The following ATAD2B variants were observed in gnomAD, a reference collection of about 807,000 sequenced individuals.
ATAD2B encodes ATPase family AAA domain-containing protein 2B.
Under a neutral mutation model 167.6 loss-of-function variants are expected in ATAD2B, and 40 were observed. The ratio of observed to expected loss-of-function variants is 0.24; its 90% confidence interval spans 0.19 to 0.31. ATAD2B has a LOEUF of 0.31. Among genes scored for constraint, ATAD2B ranks in the 10% least tolerant of loss-of-function variants. The probability of loss-of-function intolerance (pLI) is 1.00; values close to 1 mark genes in which losing one functional copy is unlikely to be tolerated. For missense variants in ATAD2B, 1,242 were observed against 1,757.2 expected, an observed-to-expected ratio of 0.71 and a Z score of 5.24; for synonymous variants, 579 against 596.5, an observed-to-expected ratio of 0.97 and a Z score of 0.43.
At chr2:23,892,263 A>T (rs1016271824) in intron 2 of ATAD2B, among the ~76,000 whole-genome samples, 1 of 152,086 alleles carries the variant, frequency 6.6e-6, no homozygotes, top group African/African-American at 2.4e-5. Context: ...TCCCTGGTTC[A>T]CGCCATTCTC....
At chr2:23,781,209 T>G (rs968523597) in intron 22 of ATAD2B, among the ~76,000 whole-genome samples, 1 of 151,928 alleles carries the variant, frequency 6.6e-6, no homozygotes, top group Non-Finnish European at 1.5e-5. Context: ...CATAAACAAT[T>G]TCACAGAACA....
intron 20 of ATAD2B, among the ~76,000 whole-genome samples, chr2:23,787,007 C>A (rs1005170699): frequency 2.8e-5 from 4 of 144,722 alleles, no homozygotes; most frequent in African/African-American, 1.0e-4. Flanking sequence ...CTGAGTACAA[C>A]AGAGTACGGA....
downstream of ATAD2B, among the ~76,000 whole-genome samples, chr2:23,745,524 G>C (rs1304675419): frequency 6.6e-6 from 1 of 152,084 alleles, no homozygotes; most frequent in African/African-American, 2.4e-5. Context: ...CTTAATGATT[G>C]ATGGGTTAAA....
chr2:23,810,660 G>T (rs1327288868), intron 17 of ATAD2B, among the ~76,000 whole-genome samples, 158 bp from the exon 18 acceptor site: 1 of 151,914 alleles, frequency 6.6e-6, no homozygotes, highest in Non-Finnish European at 1.5e-5. Context: ...TATTAATTAT[G>T]GTTTTAAAAT....
chr2:23,901,716 A>G (rs1700863772), intron 1 of ATAD2B, among the ~76,000 whole-genome samples: 1 of 152,124 alleles, frequency 6.6e-6, no homozygotes, highest in Non-Finnish European at 1.5e-5. Context: ...TTTTGCTGCA[A>G]AACTTCTAAG....
chr2:23,869,067 A>G (rs899443736), intron 9 of ATAD2B, among the ~76,000 whole-genome samples: 1 of 152,178 alleles, frequency 6.6e-6, no homozygotes, highest in African/African-American at 2.4e-5. Flanking sequence ...TGTTTCCAAG[A>G]CCTGCTAACT....
chr2:23,840,262 G>C (rs548210046), intron 13 of ATAD2B, among the ~76,000 whole-genome samples: 3 of 152,082 alleles, frequency 2.0e-5, no homozygotes, highest in Admixed American at 1.3e-4. Context: ...CTTAAGCTTA[G>C]GCCTTTATGC....
chr2:23,913,640 G>GAAA (rs1425105055), intron 1 of ATAD2B, among the ~76,000 whole-genome samples: 2 of 94,804 alleles, frequency 2.1e-5, no homozygotes, highest in African/African-American at 8.5e-5. Flanking sequence ...ACTCTCTTGA[G>GAAA]AAAAAAAAAA....
chr2:23,829,027 G>T, intron 14 of ATAD2B, 88 bp from the exon 15 acceptor site: 1 of 826,644 alleles, frequency 1.2e-6, no homozygotes, highest in Non-Finnish European at 1.9e-6. Context: ...ACGTTAGGTG[G>T]AACAAATTTT....
At chr2:23,720,402 C>T in the ATAD2B span, among the ~76,000 whole-genome samples, 959 of 152,170 alleles carry the variant, frequency 6.3e-3, 10 homozygotes, top group African/African-American at 0.021. Context: ...AGTAAAACCC[C>T]ATCTCTATTA....
At chr2:23,789,202 T>A (rs1681280323) in intron 19 of ATAD2B, among the ~76,000 whole-genome samples, 1 of 152,064 alleles carries the variant, frequency 6.6e-6, no homozygotes, top group African/African-American at 2.4e-5. Context: ...AGCCAATTAT[T>A]CTCATATCCT....
At chr2:23,812,361 T>C (rs1455816373) in intron 17 of ATAD2B, among the ~76,000 whole-genome samples, 4 of 151,816 alleles carry the variant, frequency 2.6e-5, no homozygotes, top group Non-Finnish European at 4.4e-5. Flanking sequence ...ATTACAGTCT[T>C]AGCAAGAAAA....
chr2:23,710,908 G>A, the ATAD2B span, among the ~76,000 whole-genome samples: 1 of 152,190 alleles, frequency 6.6e-6, no homozygotes, highest in Non-Finnish European at 1.5e-5. Context: ...ATCCCCTGCA[G>A]ATGCTGAGGG....
chr2:23,691,406 T>C, the ATAD2B span: 1 of 521,166 alleles, frequency 1.9e-6, no homozygotes, highest in East Asian at 3.5e-5. Context: ...TCCCCATCCA[T>C]AGCTCATGCT....
the ATAD2B span, among the ~76,000 whole-genome samples, chr2:23,694,671 C>T: frequency 6.6e-6 from 1 of 152,176 alleles, no homozygotes; most frequent in Non-Finnish European, 1.5e-5. Context: ...AAGAATAAAC[C>T]CCAGACAATT....
At chr2:23,849,352 A>C (rs557666873) in intron 13 of ATAD2B, among the ~76,000 whole-genome samples, 1 of 152,366 alleles carries the variant, frequency 6.6e-6, no homozygotes, top group South Asian at 2.1e-4. Flanking sequence ...ATAAACATGG[A>C]CATTTCATAA....
In ATAD2B at chr2:23,798,243, T is replaced by G; in HGVS notation, c.2535A>C (p.Glu845Asp). The part of the protein sequence containing the change: ...HIGDWWEAVS[E>D]TVRATFLTLL... ...ATGTCAGAAAAGTTGCTCTCACAGT[T>G]TCACTGACAGCTTCCCACCAATCCC... The change falls in exon 19 of 28, where the codon GAA (glutamate) becomes GAC (aspartate). Residue 845 changes from glutamate (E) to aspartate (D), a missense_variant. Coordinates refer to ENST00000238789, the MANE Select transcript of ATAD2B (RefSeq NM_017552.4). 6.2e-7 allele frequency: 1 copy of G among 1,612,386 alleles called. No homozygotes were observed. Among genetic ancestry groups the G allele is most frequent in the Non-Finnish European group, 8.5e-7 (1 of 1,178,770 alleles).
chr2:23,720,237 G>A, the ATAD2B span, among the ~76,000 whole-genome samples: 1 of 152,192 alleles, frequency 6.6e-6, no homozygotes, highest in Non-Finnish European at 1.5e-5. Context: ...GAGAGTGCTG[G>A]AGTACAGCAG....
intron 22 of ATAD2B, 37 bp from the exon 23 acceptor site, chr2:23,765,665 A>G: frequency 8.1e-7 from 1 of 1,227,736 alleles, no homozygotes; most frequent in South Asian, 2.2e-5. Context: ...TTATAGAAAC[A>G]AATAAAATAA....
Sources: allele counts gnomAD v4.1 joint callset (sites outside exome capture counted in the v4.1 genomes callset), GRCh38; gene constraint gnomAD v4.1.1; transcripts MANE v1.5; gene names NCBI Gene and HGNC (gene_info 2026-07-23, HGNC 2026-07-21).